CDK14: variants seen among roughly 807,000 people sequenced by gnomAD.
CDK14 encodes the protein cyclin dependent kinase 14, also known as cyclin-dependent kinase 14.
In CDK14, 34 loss-of-function variants were observed where a neutral mutation model predicts 60.7. That is an observed-to-expected ratio of 0.56 (90% CI 0.43 to 0.75). The LOEUF (loss-of-function observed/expected upper bound fraction) is 0.75, where lower values mean the gene tolerates loss of function less well. CDK14 is among the 30% of genes least tolerant of loss of function. CDK14 has a pLI of 0.00. For synonymous variants in CDK14, 197 were observed against 203.7 expected (o/e 0.97, Z 0.28); for missense variants, 482 against 564.1 (o/e 0.85, Z 1.47).
intron 2 of CDK14, among the ~76,000 whole-genome samples, chr7:90,618,856 T>C (rs943333539): frequency 6.6e-6 from 1 of 152,234 alleles, no homozygotes; most frequent in African/African-American, 2.4e-5. Flanking sequence ...GATTCTTTTC[T>C]GATACCATTT....
chr7:90,979,907 T>C (rs569650083), intron 9 of CDK14: 1 of 152,340 alleles, frequency 6.6e-6, no homozygotes, highest in Non-Finnish European at 1.5e-5. Flanking sequence ...CCTTTTAAAA[T>C]TTTGTGATTG....
chr7:90,665,209 C>T (rs1296739554), intron 2 of CDK14, among the ~76,000 whole-genome samples: 1 of 152,076 alleles, frequency 6.6e-6, no homozygotes, highest in East Asian at 1.9e-4. Context: ...TGCTTGAACC[C>T]AGGAGGCGAA....
intron 4 of CDK14, among the ~76,000 whole-genome samples, chr7:90,773,890 T>G (rs1584877917): frequency 9.9e-6 from 1 of 100,898 alleles, no homozygotes; most frequent in Non-Finnish European, 1.9e-5. Flanking sequence ...TCCTCTCCTC[T>G]CCTCTTTTCT....
intron 2 of CDK14, among the ~76,000 whole-genome samples, chr7:90,718,007 CAT>C (rs1220387606): frequency 6.6e-6 from 1 of 151,728 alleles, no homozygotes; most frequent in Non-Finnish European, 1.5e-5. Flanking sequence ...TATATAATAA[CAT>C]ATATTTCAGT....
At chr7:90,648,096 A>G (rs560756045) in intron 2 of CDK14, among the ~76,000 whole-genome samples, 105 of 152,170 alleles carry the variant, frequency 6.9e-4, no homozygotes, top group Admixed American at 1.9e-3. Context: ...GTTCTCTCAC[A>G]GAGTTTCTGT....
intron 5 of CDK14, among the ~76,000 whole-genome samples, chr7:90,862,152 A>G (rs1223775635): frequency 6.6e-6 from 1 of 152,204 alleles, no homozygotes; most frequent in African/African-American, 2.4e-5. Flanking sequence ...AGGTACCTAA[A>G]GGAAAATCAG....
chr7:90,855,763 A>G (rs1029298205), intron 5 of CDK14, among the ~76,000 whole-genome samples: 10 of 152,182 alleles, frequency 6.6e-5, no homozygotes, highest in African/African-American at 2.2e-4. Context: ...TGGCAGTTTC[A>G]TGTGGTCAAG....
intron 5 of CDK14, among the ~76,000 whole-genome samples, chr7:90,833,705 G>A (rs568519583): frequency 1.3e-4 from 20 of 152,288 alleles, no homozygotes; most frequent in South Asian, 8.3e-4. Flanking sequence ...TTTAGTGTAT[G>A]AATCATTAGT....
chr7:90,615,083 T>C (rs908797008), intron 2 of CDK14, among the ~76,000 whole-genome samples: 36 of 152,208 alleles, frequency 2.4e-4, no homozygotes, highest in Non-Finnish European at 4.9e-4. Flanking sequence ...CTACTCTAAA[T>C]TCTATGATAA....
At chr7:90,829,234 CT>C (rs1789828883) in intron 5 of CDK14, among the ~76,000 whole-genome samples, 1 of 152,182 alleles carries the variant, frequency 6.6e-6, no homozygotes, top group East Asian at 1.9e-4. Context: ...CATTCTCCCC[CT>C]GGCCTCTCCC....
At chr7:91,112,880 A>T (rs1799510587) in intron 13 of CDK14, among the ~76,000 whole-genome samples, 199 bp downstream of exon 13, 1 of 145,648 alleles carries the variant, frequency 6.9e-6, no homozygotes, top group Non-Finnish European at 1.5e-5. Context: ...GAGAGAGAAC[A>T]GGGGAAGGGG....
intron 14 of CDK14, among the ~76,000 whole-genome samples, chr7:91,130,651 C>A (rs1401049913): frequency 6.6e-6 from 1 of 152,020 alleles, no homozygotes; most frequent in Non-Finnish European, 1.5e-5. Flanking sequence ...TTCTAGTGTA[C>A]AATAGATAAA....
At chr7:91,173,813 C>T (rs903336823) in intron 14 of CDK14, among the ~76,000 whole-genome samples, 31 of 152,296 alleles carry the variant, frequency 2.0e-4, no homozygotes, top group African/African-American at 3.6e-4. Flanking sequence ...CCTACGCCCA[C>T]GGAGTCTCGC....
intron 10 of CDK14, among the ~76,000 whole-genome samples, chr7:91,030,008 T>C (rs1030239568): frequency 1.3e-5 from 2 of 152,194 alleles, no homozygotes; most frequent in African/African-American, 4.8e-5. Flanking sequence ...ATGATGAGGA[T>C]CACCCTTTAT....
chr7:91,116,952 A>C (rs1314573801), intron 13 of CDK14, among the ~76,000 whole-genome samples: 1 of 151,500 alleles, frequency 6.6e-6, no homozygotes, highest in Non-Finnish European at 1.5e-5. Context: ...CCTGGAGCCT[A>C]GATGATCTCA....
chr7:90,641,271 C>G (rs17865925), intron 2 of CDK14, among the ~76,000 whole-genome samples: 5 of 152,052 alleles, frequency 3.3e-5, no homozygotes, highest in South Asian at 4.2e-4. Flanking sequence ...TAATTCCACT[C>G]CAAAGTATAT....
chr7:90,735,596 C>G (rs1803062479), intron 3 of CDK14, among the ~76,000 whole-genome samples: 1 of 152,246 alleles, frequency 6.6e-6, no homozygotes, highest in Non-Finnish European at 1.5e-5. Flanking sequence ...CTGCCCATTT[C>G]AACCTTCCCG....
intron 14 of CDK14, among the ~76,000 whole-genome samples, chr7:91,121,500 T>TGC (rs1321871098): frequency 3.3e-5 from 5 of 152,208 alleles, no homozygotes; most frequent in African/African-American, 1.2e-4. Flanking sequence ...AATGCCAAAT[T>TGC]ATTTCTTTCC....
At chr7:91,193,777 A>G (rs1044184427) in intron 14 of CDK14, among the ~76,000 whole-genome samples, 1 of 152,062 alleles carries the variant, frequency 6.6e-6, no homozygotes, top group Admixed American at 6.6e-5. Flanking sequence ...AGTATATAGT[A>G]TTTTGTGTAT....
Sources: gnomAD v4.1 joint callset for allele counts (sites outside exome capture counted in the v4.1 genomes callset) on GRCh38, gnomAD v4.1.1 for gene constraint, MANE v1.5 for transcripts, NCBI Gene and HGNC (gene_info 2026-07-23, HGNC 2026-07-21) for gene names.